Variants in EXOC6B observed in about 807,000 individuals in gnomAD.
EXOC6B encodes the protein SEC15 homolog B.
EXOC6B carries 54 observed loss-of-function variants against 113.5 expected under a neutral mutation model. The ratio of observed to expected loss-of-function variants is 0.48; its 90% confidence interval spans 0.38 to 0.60. The LOEUF (loss-of-function observed/expected upper bound fraction) is 0.60, where lower values mean the gene tolerates loss of function less well. Ranked by LOEUF, EXOC6B falls within the 20% of genes least tolerant of loss-of-function variation. EXOC6B has a pLI of 0.00. For synonymous variants in EXOC6B, 357 were observed against 339.0 expected (o/e 1.05, Z -0.58); for missense variants, 797 against 977.5 (o/e 0.82, Z 2.46).
At chr2:72,267,052 CTGTT>C (rs1251221763) in intron 20 of EXOC6B, among the ~76,000 whole-genome samples, 3 of 152,070 alleles carry the variant, frequency 2.0e-5, no homozygotes, top group Admixed American at 1.3e-4. Context: ...ATTTGGCTCT[CTGTT>C]TGTCTGTTAT....
Position 72,523,780 on chromosome 2 carries a change from CAAAAAAAAAA to C in EXOC6B, c.916-8664_916-8655del, listed in dbSNP as rs11334254. On this transcript the variant is annotated intron_variant, in intron 8 of 21. Coordinates refer to ENST00000272427, the MANE Select transcript of EXOC6B (RefSeq NM_015189.3). ...TGGGCGACAGAGCGAGACTCCATCT[CAAAAAAAAAA>C]AAAAAAAAAAAAAAAGATTTACTAT... Among the ~76,000 whole-genome samples, 15 of 63,732 alleles carry C rather than the reference CAAAAAAAAAA, an allele frequency of 2.4e-4. 1 individual carries two copies. In the South Asian group the frequency reaches 7.1e-3, roughly 30 times the overall value. 41.8% of individuals were successfully genotyped at this position (63,732 alleles called of 152,430 possible).
chr2:72,663,415 T>TA (rs948470811), intron 6 of EXOC6B, among the ~76,000 whole-genome samples: 1 of 152,112 alleles, frequency 6.6e-6, no homozygotes, highest in Non-Finnish European at 1.5e-5. Context: ...TAGAAATCGA[T>TA]AAAAAATATA....
At chr2:72,502,446 G>T (rs1241693778) in intron 11 of EXOC6B, among the ~76,000 whole-genome samples, 1 of 152,148 alleles carries the variant, frequency 6.6e-6, no homozygotes, top group Admixed American at 6.5e-5. Context: ...TACTCATGAG[G>T]CTGAGGCACG....
At chr2:72,429,275 A>G (rs1695382829) in intron 18 of EXOC6B, among the ~76,000 whole-genome samples, 1 of 152,230 alleles carries the variant, frequency 6.6e-6, no homozygotes, top group South Asian at 2.1e-4. Flanking sequence ...TATCCAAAAT[A>G]GAAAAGAAAA....
intron 18 of EXOC6B, among the ~76,000 whole-genome samples, chr2:72,440,442 G>C (rs1364020996): frequency 6.6e-6 from 1 of 152,082 alleles, no homozygotes; most frequent in East Asian, 1.9e-4. Context: ...GCCAAACTAA[G>C]TGAAGGAGAA....
chr2:72,481,793 T>C (rs1477409047), intron 16 of EXOC6B, among the ~76,000 whole-genome samples: 1 of 152,132 alleles, frequency 6.6e-6, no homozygotes, highest in Non-Finnish European at 1.5e-5. Context: ...TTTTCTTACA[T>C]AGAACAGATC....
chr2:72,354,526 A>C (rs1050091142), intron 19 of EXOC6B, among the ~76,000 whole-genome samples: 1 of 152,212 alleles, frequency 6.6e-6, no homozygotes, highest in African/African-American at 2.4e-5. Flanking sequence ...CCCACTGTTC[A>C]GGTTGGCAGC....
intron 20 of EXOC6B, among the ~76,000 whole-genome samples, chr2:72,269,637 C>T (rs1181738166): frequency 6.6e-6 from 1 of 152,034 alleles, no homozygotes; most frequent in East Asian, 1.9e-4. Context: ...AGAGGGAGAC[C>T]CTCTCTTAAA....
At chr2:72,444,397 A>G (rs1696436097) in intron 18 of EXOC6B, among the ~76,000 whole-genome samples, 1 of 152,162 alleles carries the variant, frequency 6.6e-6, no homozygotes, top group Non-Finnish European at 1.5e-5. Context: ...CTATAGGTGG[A>G]TCTACCATTC....
intron 19 of EXOC6B, among the ~76,000 whole-genome samples, chr2:72,369,351 G>A (rs1044765902): frequency 3.9e-5 from 6 of 152,274 alleles, no homozygotes; most frequent in African/African-American, 1.2e-4. Flanking sequence ...ACTGCTCAAC[G>A]AAATAAAAGA....
intron 6 of EXOC6B, among the ~76,000 whole-genome samples, chr2:72,665,593 C>G (rs1675332328): frequency 6.6e-6 from 1 of 152,108 alleles, no homozygotes; most frequent in Admixed American, 6.5e-5. Flanking sequence ...TAACATCCCA[C>G]CAAACTAAGC....
At chr2:72,593,402 G>A (rs1036152512) in intron 6 of EXOC6B, among the ~76,000 whole-genome samples, 1 of 152,092 alleles carries the variant, frequency 6.6e-6, no homozygotes, top group Non-Finnish European at 1.5e-5. Flanking sequence ...GTAGGACTGA[G>A]TCCTTAACCT....
chr2:72,513,304 ACT>A, intron 10 of EXOC6B, 52 bp from the exon 11 acceptor site: 1 of 1,605,666 alleles, frequency 6.2e-7, no homozygotes, highest in South Asian at 1.1e-5. Flanking sequence ...CAGTTTTATT[ACT>A]CTCTCTGGGG....
intron 19 of EXOC6B, among the ~76,000 whole-genome samples, chr2:72,369,600 G>C (rs1245637101): frequency 6.6e-6 from 1 of 152,134 alleles, no homozygotes; most frequent in African/African-American, 2.4e-5. Context: ...CATGCTACCT[G>C]ACTTCAAACC....
Position 72,495,549 on chromosome 2 carries a change from C to A in EXOC6B, c.1444-10G>T. The A allele has an allele frequency of 6.9e-7, 1 of 1,454,542 alleles. No homozygotes were observed. Among genetic ancestry groups the A allele is most frequent in the East Asian group, 2.3e-5 (1 of 43,784 alleles). 90.1% of individuals were successfully genotyped at this position (1,454,542 alleles called of 1,614,324 possible). The stretch of plus-strand genomic sequence containing the variant: ...TTTTTGGAAATGGTTGCTGTAAATG[C>A]AAGAAGTAATGAAATCAAGTCACAA... On this transcript the variant is annotated splice_polypyrimidine_tract_variant and intron_variant, in intron 14 of 21. Coordinates refer to ENST00000272427, the MANE Select transcript of EXOC6B (RefSeq NM_015189.3).
In EXOC6B at chr2:72,734,040, C is replaced by T. The variant is rs536272150; in HGVS notation, c.280-922G>A. Among the ~76,000 whole-genome samples the T allele has an allele frequency of 1.2e-4, 19 of 152,164 alleles. No homozygotes were observed. The South Asian group carries it at 2.9e-3, about 23-fold the overall frequency. On this transcript the variant is annotated intron_variant, in intron 2 of 21. Coordinates refer to ENST00000272427, the MANE Select transcript of EXOC6B (RefSeq NM_015189.3). ...ACATAAACACACACACAAATACACA[C>T]GATATGATATGCACTGTAAATGCCC...
At chr2:72,559,922 TA>T (rs1338884852) in intron 7 of EXOC6B, among the ~76,000 whole-genome samples, 1 of 152,216 alleles carries the variant, frequency 6.6e-6, no homozygotes, top group Non-Finnish European at 1.5e-5. Flanking sequence ...TAAGTTTTAG[TA>T]GTCAAAAACA....
intron 6 of EXOC6B, among the ~76,000 whole-genome samples, chr2:72,681,871 A>C (rs1676725946): frequency 6.6e-6 from 1 of 152,104 alleles, no homozygotes; most frequent in Non-Finnish European, 1.5e-5. Context: ...AAACAATATA[A>C]ATCACTAAAA....
chr2:72,309,024 A>G (rs1572892721), intron 20 of EXOC6B, among the ~76,000 whole-genome samples: 4 of 152,252 alleles, frequency 2.6e-5, no homozygotes, highest in South Asian at 2.1e-4. Flanking sequence ...GACTGATTTA[A>G]AACCTTAAAA....
Sources: allele counts gnomAD v4.1 joint callset (sites outside exome capture counted in the v4.1 genomes callset), GRCh38; gene constraint gnomAD v4.1.1; transcripts MANE v1.5; gene names NCBI Gene and HGNC (gene_info 2026-07-23, HGNC 2026-07-21).